The following GNS variants were observed in gnomAD, a reference collection of about 807,000 sequenced individuals.
The protein encoded by GNS is glucosamine (N-acetyl)-6-sulfatase.
Under a neutral mutation model 69.7 loss-of-function variants are expected in GNS, and 40 were observed. The observed-to-expected ratio is 0.57, with a 90% CI of 0.45 to 0.75. The LOEUF is 0.75. GNS is among the 30% of genes least tolerant of loss of function. GNS has a pLI of 0.00. For missense variants in GNS, 565 were observed against 685.5 expected, an observed-to-expected ratio of 0.82 and a Z score of 1.96; for synonymous variants, 243 against 251.6, an observed-to-expected ratio of 0.97 and a Z score of 0.32.
rs900418998 is a variant in GNS at position 64,759,399 on chromosome 12, A to G, written c.-123T>C. On this transcript the variant is annotated 5_prime_UTR_variant, in exon 1 of 14. Transcript: ENST00000258145. ...CCGTGCCTTGAAGGCCGGTGGCTGGAGTCAGACGTTTTCTCCCTAGGCGCG... is the reference window on the plus strand; with the variant it reads ...CCGTGCCTTGAAGGCCGGTGGCTGGGGTCAGACGTTTTCTCCCTAGGCGCG... 2.2e-5 allele frequency: 15 copies of G among 669,360 alleles called. No homozygotes were observed. Among genetic ancestry groups the G allele is most frequent in the Non-Finnish European group, 2.5e-6 (1 of 401,946 alleles). The allele number at this position is 669,360 out of a possible 1,614,324, so 41.5% of individuals were successfully genotyped here. A position where few individuals can be genotyped will look rare whatever the true frequency, so the allele number is the denominator to read the frequency against.
chr12:64,750,236 TG>T (rs1253274438), intron 2 of GNS, among the ~76,000 whole-genome samples: 3 of 152,010 alleles, frequency 2.0e-5, no homozygotes, highest in Non-Finnish European at 4.4e-5. Flanking sequence ...TTGGTAGAGA[TG>T]GGGTTTCACC....
intron 1 of GNS, among the ~76,000 whole-genome samples, chr12:64,756,097 A>T (rs934771868): frequency 6.6e-6 from 1 of 152,254 alleles, no homozygotes; most frequent in Non-Finnish European, 1.5e-5. Flanking sequence ...ATAAAAACAG[A>T]GTCCCACAGA....
intron 1 of GNS, among the ~76,000 whole-genome samples, chr12:64,753,498 A>C (rs1383354660): frequency 6.6e-6 from 1 of 152,232 alleles, no homozygotes; most frequent in East Asian, 1.9e-4. Flanking sequence ...TTCAGATTCC[A>C]GACAGCAAAA....
intron 2 of GNS, among the ~76,000 whole-genome samples, chr12:64,751,789 C>G (rs1321858308): frequency 6.6e-6 from 1 of 151,750 alleles, no homozygotes; most frequent in African/African-American, 2.4e-5. Context: ...GAGTTCAAGA[C>G]CAGCCTGGCT....
At chr12:64,755,842 C>T (rs1870235019) in intron 1 of GNS, among the ~76,000 whole-genome samples, 1 of 150,502 alleles carries the variant, frequency 6.6e-6, no homozygotes, top group Non-Finnish European at 1.5e-5. Flanking sequence ...CCATGCCCGG[C>T]CAATTTTTGT....
intron 1 of GNS, among the ~76,000 whole-genome samples, chr12:64,753,878 GC>G (rs1205169166): frequency 1.3e-5 from 2 of 152,194 alleles, no homozygotes; most frequent in African/African-American, 4.8e-5. Flanking sequence ...AAGGTCGTCA[GC>G]CATACTCTCC....
At chr12:64,721,895 G>C (rs1040126368) in intron 11 of GNS, among the ~76,000 whole-genome samples, 190 bp from the exon 12 acceptor site, 5 of 152,142 alleles carry the variant, frequency 3.3e-5, no homozygotes, top group Non-Finnish European at 5.9e-5. Flanking sequence ...ACTTGATCAA[G>C]GTATATGGGT....
intron 3 of GNS, chr12:64,746,129 A>G: frequency 3.8e-6 from 1 of 264,186 alleles, no homozygotes; most frequent in South Asian, 4.2e-5. Context: ...TTCACGCTAC[A>G]GTGGCAGAGC....
At chr12:64,741,785 G>A (rs1314113014) in intron 6 of GNS, among the ~76,000 whole-genome samples, 1 of 152,096 alleles carries the variant, frequency 6.6e-6, no homozygotes, top group East Asian at 1.9e-4. Context: ...GCTCCTCAAA[G>A]TGTTATTAAG....
In GNS at chr12:64,716,632, C is replaced by T; in HGVS notation, c.*109G>A. On this transcript the variant is annotated 3_prime_UTR_variant, in exon 14 of 14. Transcript: ENST00000258145. ...TTTCAAACAGGACTTAAAGCCAGCC[C>T]AGAAACTCTTCCAGGTGTGGTCTTG... The T allele has an allele frequency of 1.2e-6, 1 of 800,052 alleles. No individual in the cohort carries two copies. The highest frequency in any genetic ancestry group is 2.0e-5 in the Admixed American group (1 of 51,118). The allele number at this position is 800,052 out of a possible 1,614,324, so 49.6% of individuals were successfully genotyped here.
At chr12:64,742,999 T>C (rs1028062653) in intron 6 of GNS, 142 bp downstream of exon 6, 9 of 764,260 alleles carry the variant, frequency 1.2e-5, no homozygotes, top group East Asian at 7.4e-5. Flanking sequence ...GTTTATACTA[T>C]TGGTTGTACT....
rs183645944 is a variant in GNS at position 64,755,375 on chromosome 12, C to G, written c.193-2618G>C. Among the ~76,000 whole-genome samples the G allele has an allele frequency of 2.0e-5, 3 of 152,054 alleles. No homozygotes were observed. The East Asian group carries it at 5.9e-4, about 30-fold the overall frequency. ...GGCGGATCACTTGAGGTCAAGAGTT[C>G]AAGATCAGCCTGGCCAACATGGTGA... On this transcript the variant is annotated intron_variant, in intron 1 of 13. Coordinates refer to ENST00000258145, the MANE Select transcript of GNS (RefSeq NM_002076.4).
intron 1 of GNS, among the ~76,000 whole-genome samples, chr12:64,757,901 A>G (rs752116317): frequency 4.6e-5 from 7 of 152,252 alleles, no homozygotes; most frequent in Non-Finnish European, 1.0e-4. Flanking sequence ...GGAGTATTTC[A>G]TAGTCTCAGC....
chr12:64,750,062 T>C (rs1262091962), intron 2 of GNS, among the ~76,000 whole-genome samples: 1 of 151,942 alleles, frequency 6.6e-6, no homozygotes, highest in Admixed American at 6.6e-5. Flanking sequence ...TGTTGTTGGT[T>C]TGAGATGGAG....
intron 9 of GNS, among the ~76,000 whole-genome samples, chr12:64,731,899 A>G (rs1869402814): frequency 6.6e-6 from 1 of 152,178 alleles, no homozygotes; most frequent in Non-Finnish European, 1.5e-5. Flanking sequence ...TTGAGCCACC[A>G]CATTCCAACC....
rs374002057 is a variant in GNS, at chr12:64,747,790, T to C, written c.381A>G (p.Gln127=). The change falls in exon 3 of 14, where the codon CAA becomes CAG. Residue 127 remains glutamine (Q), a synonymous_variant. Coordinates refer to ENST00000258145, the MANE Select transcript of GNS (RefSeq NM_002076.4). The part of the protein sequence containing the change: ...NCSSKSWQKI[Q]EPNTFPAILR... ...GAATTGCTGGGAAAGTATTTGGTTC[T>C]TGGATCTTCTGCCAGGACTTACTAC... 29 of 1,612,892 alleles carry C rather than the reference T, an allele frequency of 1.8e-5. No homozygotes were observed. Among genetic ancestry groups the C allele is most frequent in the Non-Finnish European group, 2.4e-5 (28 of 1,178,836 alleles).
chr12:64,720,096 C>G lies in GNS; in HGVS notation c.1506G>C (p.Lys502Asn). 6.2e-7 allele frequency: 1 copy of G among 1,610,264 alleles called. No homozygotes were observed. Among genetic ancestry groups the G allele is most frequent in the Non-Finnish European group, 8.5e-7 (1 of 1,176,458 alleles). ...AKTIDPELLG[K>N]MNYRLMMLQS... ...GTAACATCATTAACCGATAGTTCAT[C>G]TTTCCTAAAAGCTCTGGGTCTATGG... The change falls in exon 13 of 14, where the codon AAG becomes AAC. Residue 502 changes from lysine (K) to asparagine (N), a missense_variant. Coordinates refer to ENST00000258145, the MANE Select transcript of GNS (RefSeq NM_002076.4).
chr12:64,738,254 C>G (rs770785111), intron 8 of GNS, among the ~76,000 whole-genome samples: 1 of 152,178 alleles, frequency 6.6e-6, no homozygotes, highest in South Asian at 2.1e-4. Flanking sequence ...AGGTGATCCA[C>G]CTGCCTTGGC....
At chr12:64,741,090 C>CT (rs1869718119) in intron 6 of GNS, among the ~76,000 whole-genome samples, 4 of 132,784 alleles carry the variant, frequency 3.0e-5, no homozygotes, top group Non-Finnish European at 3.2e-5. Context: ...GCCTGTAGTC[C>CT]CAGCTACTTG....
Sources: allele counts gnomAD v4.1 joint callset (sites outside exome capture counted in the v4.1 genomes callset), GRCh38; gene constraint gnomAD v4.1.1; transcripts MANE v1.5; gene names NCBI Gene and HGNC (gene_info 2026-07-23, HGNC 2026-07-21).